ZNF385B: variants seen among roughly 807,000 people sequenced by gnomAD.
ZNF385B encodes the protein zinc finger protein 385B.
ZNF385B carries 23 observed loss-of-function variants against 39.2 expected under a neutral mutation model. That is an observed-to-expected ratio of 0.59 (90% CI 0.42 to 0.83). The LOEUF is 0.83. Ranked by LOEUF, ZNF385B falls within the 40% of genes least tolerant of loss-of-function variation. The probability of loss-of-function intolerance (pLI) is 0.00; values close to 1 mark genes in which losing one functional copy is unlikely to be tolerated. For synonymous variants in ZNF385B, 205 were observed against 222.6 expected, an observed-to-expected ratio of 0.92 and a Z score of 0.70; for missense variants, 552 against 598.9, an observed-to-expected ratio of 0.92 and a Z score of 0.82.
intron 3 of ZNF385B, among the ~76,000 whole-genome samples, chr2:179,714,356 A>G (rs555131631): frequency 2.0e-5 from 3 of 152,340 alleles, no homozygotes; most frequent in South Asian, 4.1e-4. Context: ...CAACTGAGGC[A>G]AAGAGCTCTT....
chr2:179,746,049 G>A, intron 3 of ZNF385B: 1 of 1,063,734 alleles, frequency 9.4e-7, no homozygotes, highest in Non-Finnish European at 1.1e-6. Context: ...CACTGTCAAT[G>A]TACAAGTCTG....
intron 1 of ZNF385B, among the ~76,000 whole-genome samples, chr2:179,849,960 C>T (rs76959187): frequency 0.046 from 7,048 of 152,286 alleles, 230 homozygotes; most frequent in Non-Finnish European, 0.07. Flanking sequence ...AAGATGACCA[C>T]AGAGCTCAAC....
rs962639071 is a variant in ZNF385B, at chr2:179,663,737, A to G, written c.298+105766T>C. Among the ~76,000 whole-genome samples the G allele has an allele frequency of 1.3e-3, 200 of 151,470 alleles. 1 individual carries two copies. The highest frequency in any genetic ancestry group is 2.5e-3 in the Non-Finnish European group (171 of 67,790). Reference sequence around the variant, plus strand: ...TCAAAAAAAAAAAAAAAAAAAAAAAAATCTCATGAAAGAATCTCTCATTAT... The same window carrying G: ...TCAAAAAAAAAAAAAAAAAAAAAAAGATCTCATGAAAGAATCTCTCATTAT... On this transcript the variant is annotated intron_variant, in intron 3 of 9. Coordinates refer to ENST00000410066, the MANE Select transcript of ZNF385B (RefSeq NM_152520.6).
At chr2:179,782,930 G>A (rs113396325) in intron 1 of ZNF385B, among the ~76,000 whole-genome samples, 7,120 of 152,240 alleles carry the variant, frequency 0.047, 229 homozygotes, top group Non-Finnish European at 0.074. Context: ...CAGATTCAAC[G>A]CTATTCCTAT....
intron 3 of ZNF385B, among the ~76,000 whole-genome samples, chr2:179,664,376 C>A (rs1350442345): frequency 1.3e-5 from 2 of 152,020 alleles, no homozygotes; most frequent in East Asian, 3.9e-4. Context: ...TGAAATTATG[C>A]TTAACTGAGG....
chr2:179,473,173 G>C (rs894911487), intron 6 of ZNF385B, among the ~76,000 whole-genome samples: 1 of 152,174 alleles, frequency 6.6e-6, no homozygotes, highest in Non-Finnish European at 1.5e-5. Context: ...AGGTGAGGAA[G>C]ACCAAGAAGG....
At chr2:179,677,791 TC>T (rs2106318867) in intron 3 of ZNF385B, among the ~76,000 whole-genome samples, 1 of 152,290 alleles carries the variant, frequency 6.6e-6, no homozygotes, top group Admixed American at 6.5e-5. Flanking sequence ...TTCCATTTTT[TC>T]CCCGTCCACT....
chr2:179,593,279 T>C (rs1687727455), intron 3 of ZNF385B, among the ~76,000 whole-genome samples: 1 of 152,210 alleles, frequency 6.6e-6, no homozygotes, highest in South Asian at 2.1e-4. Context: ...TTATTCTGTT[T>C]GCTGAACATT....
In ZNF385B at chr2:179,804,254, T is replaced by C. The variant is rs144194586; in HGVS notation, c.-154-33582A>G. 5.2e-3 allele frequency among the ~76,000 whole-genome samples: 794 copies of C among 151,904 alleles called. 6 individuals are homozygous for C. Among genetic ancestry groups the C allele is most frequent in the Admixed American group, 9.9e-3 (151 of 15,248 alleles). On this transcript the variant is annotated intron_variant, in intron 1 of 9. Transcript: ENST00000410066. Reference sequence around the variant, plus strand: ...GTACTCACATAGAGGGAAGACCTCTTCACTTGACCTACACCTCCTGAAACC... The same window carrying C: ...GTACTCACATAGAGGGAAGACCTCTCCACTTGACCTACACCTCCTGAAACC...
chr2:179,575,985 C>T (rs1050832359), intron 3 of ZNF385B: 6 of 214,978 alleles, frequency 2.8e-5, no homozygotes, highest in Non-Finnish European at 4.8e-5. Flanking sequence ...TGCATAAAAA[C>T]TTTAACTTGT....
At chr2:179,774,726 C>G (rs750492422) in intron 1 of ZNF385B, among the ~76,000 whole-genome samples, 10 of 152,194 alleles carry the variant, frequency 6.6e-5, no homozygotes, top group Non-Finnish European at 1.5e-4. Flanking sequence ...ATTTTGAGAT[C>G]AGGAATGGTA....
intron 3 of ZNF385B, among the ~76,000 whole-genome samples, chr2:179,678,056 A>T (rs1035402102): frequency 2.6e-5 from 4 of 152,322 alleles, no homozygotes; most frequent in African/African-American, 9.6e-5. Context: ...CAAAAAGAAA[A>T]AAAGAGTGAC....
At chr2:179,661,575 T>C (rs986488417) in intron 3 of ZNF385B, among the ~76,000 whole-genome samples, 1 of 152,250 alleles carries the variant, frequency 6.6e-6, no homozygotes, top group African/African-American at 2.4e-5. Flanking sequence ...CTGGTATTAC[T>C]TGTCCTGGGA....
chr2:179,682,102 A>G (rs1229668945), intron 3 of ZNF385B, among the ~76,000 whole-genome samples: 1 of 152,212 alleles, frequency 6.6e-6, no homozygotes, highest in African/African-American at 2.4e-5. Context: ...GGAATACATT[A>G]TGCTAAGGCT....
In ZNF385B at chr2:179,558,431, A is replaced by C. The variant is rs573272329; in HGVS notation, c.299-13462T>G. ...TATACAAATTATCCTTTTTAAAAGGATATTTCCCCCATCCCAAGCCTGTTT... is the reference window on the plus strand; with the variant it reads ...TATACAAATTATCCTTTTTAAAAGGCTATTTCCCCCATCCCAAGCCTGTTT... On this transcript the variant is annotated intron_variant, in intron 3 of 9. Transcript: ENST00000410066. Among the ~76,000 whole-genome samples the C allele has an allele frequency of 2.6e-5, 4 of 152,290 alleles. No individual in the cohort carries two copies. The East Asian group carries it at 5.8e-4, about 22-fold the overall frequency.
At chr2:179,831,562 T>C (rs1223909383) in intron 1 of ZNF385B, among the ~76,000 whole-genome samples, 3 of 152,164 alleles carry the variant, frequency 2.0e-5, no homozygotes, top group Admixed American at 2.0e-4. Context: ...AATCTATCTT[T>C]AGAAATACAT....
chr2:179,457,416 C>G (rs544856917), intron 6 of ZNF385B, among the ~76,000 whole-genome samples: 1 of 152,158 alleles, frequency 6.6e-6, no homozygotes, highest in South Asian at 2.1e-4. Flanking sequence ...TATTGGGCCA[C>G]AAGATATTCA....
chr2:179,573,875 C>T (rs956338816), intron 3 of ZNF385B, among the ~76,000 whole-genome samples: 5 of 151,832 alleles, frequency 3.3e-5, no homozygotes, highest in Non-Finnish European at 4.4e-5. Context: ...TCTGTGAATA[C>T]GAGAACTAGA....
intron 3 of ZNF385B, among the ~76,000 whole-genome samples, chr2:179,753,349 T>C (rs1047174311): frequency 6.6e-6 from 1 of 152,176 alleles, no homozygotes; most frequent in Non-Finnish European, 1.5e-5. Flanking sequence ...GGCCTTGTAG[T>C]ATAGTTTGAA....
Sources: gnomAD v4.1 joint callset for allele counts (sites outside exome capture counted in the v4.1 genomes callset) on GRCh38, gnomAD v4.1.1 for gene constraint, MANE v1.5 for transcripts, NCBI Gene and HGNC (gene_info 2026-07-23, HGNC 2026-07-21) for gene names.